ATRNL1: variants seen among roughly 807,000 people sequenced by gnomAD.
The protein encoded by ATRNL1 is attractin-like protein 1.
ATRNL1 carries 95 observed loss-of-function variants against 182.7 expected under a neutral mutation model. The observed-to-expected ratio is 0.52, with a 90% confidence interval of 0.44 to 0.62. The LOEUF (loss-of-function observed/expected upper bound fraction) is 0.62, where lower values mean the gene tolerates loss of function less well. Ranked by LOEUF, ATRNL1 falls within the 20% of genes least tolerant of loss-of-function variation. The probability of loss-of-function intolerance (pLI) is 0.00; values close to 1 mark genes in which losing one functional copy is unlikely to be tolerated. For missense variants in ATRNL1, 1,471 were observed against 1,679.5 expected (o/e 0.88, Z 2.17); for synonymous variants, 576 against 568.3 (o/e 1.01, Z -0.19).
intron 8 of ATRNL1, among the ~76,000 whole-genome samples, chr10:115,175,150 G>T (rs868984537): frequency 1.3e-5 from 2 of 151,968 alleles, no homozygotes; most frequent in South Asian, 4.1e-4. Context: ...CACCTGATTA[G>T]TATATGTCAT....
At chr10:115,458,810 GT>G (rs1847654840) in intron 21 of ATRNL1, among the ~76,000 whole-genome samples, 1 of 152,074 alleles carries the variant, frequency 6.6e-6, no homozygotes, top group South Asian at 2.1e-4. Flanking sequence ...TGTGGAAATA[GT>G]TTTGAAGTGC....
chr10:115,647,263 T>A (rs182025539), intron 26 of ATRNL1, among the ~76,000 whole-genome samples: 1 of 152,270 alleles, frequency 6.6e-6, no homozygotes, highest in Non-Finnish European at 1.5e-5. Context: ...TAAACATATG[T>A]GTGCATGTGT....
chr10:115,533,097 A>G lies in ATRNL1; in HGVS notation c.3716+13773A>G, dbSNP rs530824462. 1.1e-4 allele frequency among the ~76,000 whole-genome samples: 16 copies of G among 152,334 alleles called. No individual in the cohort carries two copies. The East Asian group carries it at 2.9e-3, about 28-fold the overall frequency. ...GGTTGTGTCTCTGCCCGGCTTTGGT[A>G]TCAGGATGATGCTGGCCTCATAATG... On this transcript the variant is annotated intron_variant, in intron 25 of 28. Coordinates refer to ENST00000355044, the MANE Select transcript of ATRNL1 (RefSeq NM_207303.4).
At chr10:115,574,229 T>G (rs1374632540) in intron 26 of ATRNL1, among the ~76,000 whole-genome samples, 7 of 150,968 alleles carry the variant, frequency 4.6e-5, no homozygotes, top group African/African-American at 1.2e-4. Flanking sequence ...ACTACAGCAA[T>G]ATATATAACT....
intron 5 of ATRNL1, among the ~76,000 whole-genome samples, chr10:115,139,632 G>A (rs974616584): frequency 2.0e-5 from 3 of 152,264 alleles, no homozygotes; most frequent in Non-Finnish European, 4.4e-5. Context: ...CTTCCATAAC[G>A]TGGGAATTCA....
At chr10:115,712,895 A>C (rs1555054962) in intron 26 of ATRNL1, among the ~76,000 whole-genome samples, 1 of 152,020 alleles carries the variant, frequency 6.6e-6, no homozygotes, top group East Asian at 1.9e-4. Flanking sequence ...AAAAATTAGA[A>C]ATTTTTAATC....
chr10:115,738,126 A>ATTTTT lies in ATRNL1; in HGVS notation c.3903+10797_3903+10801dup, dbSNP rs10546896. On this transcript the variant is annotated intron_variant, in intron 27 of 28. Coordinates refer to ENST00000355044, the MANE Select transcript of ATRNL1 (RefSeq NM_207303.4). ...ATAAAAAATGATTTAGAAGATAATG[A>ATTTTT]TTTTTTTTTTTTTTTTTTTTTTTTT... Among the ~76,000 whole-genome samples the ATTTTT allele has an allele frequency of 5.1e-3, 240 of 47,062 alleles. 43 individuals are homozygous for ATTTTT. The highest frequency in any genetic ancestry group is 0.015 in the African/African-American group (224 of 15,196). 30.9% of individuals were successfully genotyped at this position (47,062 alleles called of 152,430 possible).
At chr10:115,502,292 G>A (rs1437169525) in intron 24 of ATRNL1, among the ~76,000 whole-genome samples, 2 of 151,582 alleles carry the variant, frequency 1.3e-5, no homozygotes, top group African/African-American at 4.8e-5. Context: ...TGGACTCTAG[G>A]GACCCTAATA....
intron 21 of ATRNL1, among the ~76,000 whole-genome samples, chr10:115,437,939 A>T (rs1846481522): frequency 6.6e-6 from 1 of 151,976 alleles, no homozygotes; most frequent in Non-Finnish European, 1.5e-5. Flanking sequence ...GGTCTCATTA[A>T]GCTTAGTTAA....
At chr10:115,457,749 A>C (rs1055817695) in intron 21 of ATRNL1, among the ~76,000 whole-genome samples, 19 of 151,950 alleles carry the variant, frequency 1.3e-4, no homozygotes, top group African/African-American at 4.3e-4. Flanking sequence ...TCCTCCCTGC[A>C]TGTTGTGTAT....
intron 15 of ATRNL1, among the ~76,000 whole-genome samples, chr10:115,292,087 G>A (rs1354605265): frequency 6.6e-6 from 1 of 151,510 alleles, no homozygotes; most frequent in Non-Finnish European, 1.5e-5. Context: ...TCAATTTCTA[G>A]GTTTCATGTG....
chr10:115,373,081 C>T (rs1222368373), intron 19 of ATRNL1, among the ~76,000 whole-genome samples: 1 of 152,018 alleles, frequency 6.6e-6, no homozygotes, highest in African/African-American at 2.4e-5. Flanking sequence ...ATAGGTCATT[C>T]ACTTCTTTGA....
chr10:115,244,821 A>T (rs1383938786), intron 10 of ATRNL1, among the ~76,000 whole-genome samples: 1 of 152,202 alleles, frequency 6.6e-6, no homozygotes, highest in Non-Finnish European at 1.5e-5. Context: ...CAAGATGCAA[A>T]ACAACTTATT....
chr10:115,465,132 C>T (rs1847993222), intron 22 of ATRNL1, among the ~76,000 whole-genome samples: 1 of 151,748 alleles, frequency 6.6e-6, no homozygotes, highest in Non-Finnish European at 1.5e-5. Flanking sequence ...TCAGTCTGTA[C>T]ATTAAAGACC....
chr10:115,799,811 T>C (rs1202322301), intron 27 of ATRNL1, among the ~76,000 whole-genome samples: 4 of 152,234 alleles, frequency 2.6e-5, no homozygotes, highest in Non-Finnish European at 5.9e-5. Context: ...AGTTTTGTTG[T>C]ATCATTTTCT....
intron 8 of ATRNL1, among the ~76,000 whole-genome samples, chr10:115,196,562 G>A (rs1279917330): frequency 7.4e-6 from 1 of 136,042 alleles, no homozygotes; most frequent in East Asian, 2.0e-4. Flanking sequence ...CATGGACATG[G>A]TATATCACTT....
rs140716871 is a variant in ATRNL1 at position 115,879,305 on chromosome 10, C to CAAAAAA, written c.4018+31319_4018+31324dup. ...CTGGGTGACGTGCAACTCTCTATCT[C>CAAAAAA]AAAAAAAAAAGAAAGAAAGAAAGAA... On this transcript the variant is annotated intron_variant, in intron 28 of 28. Coordinates refer to ENST00000355044, the MANE Select transcript of ATRNL1 (RefSeq NM_207303.4). Among the ~76,000 whole-genome samples the CAAAAAA allele has an allele frequency of 1.2e-4, 13 of 108,008 alleles. 1 individual carries two copies. The highest frequency in any genetic ancestry group is 3.0e-4 in the Admixed American group (3 of 9,842). The allele number at this position is 108,008 out of a possible 152,430, so 70.9% of individuals were successfully genotyped here. A position where few individuals can be genotyped will look rare whatever the true frequency, so the allele number is the denominator to read the frequency against.
rs182761234 is a variant in ATRNL1 at position 115,540,135 on chromosome 10, A to T, written c.3717-9323A>T. On this transcript the variant is annotated intron_variant, in intron 25 of 28. Coordinates refer to ENST00000355044, the MANE Select transcript of ATRNL1 (RefSeq NM_207303.4). ...CTAGAACTTAAAGTATAATAATAAT[A>T]AATAAATAAATAAATAAATATATAG... Among the ~76,000 whole-genome samples, 711 of 146,344 alleles carry T rather than the reference A, an allele frequency of 4.9e-3. 6 individuals are homozygous for T. Among genetic ancestry groups the T allele is most frequent in the African/African-American group, 0.016 (634 of 40,212 alleles).
At position 115,301,910 on chromosome 10, in the gene ATRNL1, A is replaced by G. The variant is rs1209675236; in HGVS notation, c.2685A>G (p.Ser895=). The G allele has an allele frequency of 1.2e-6, 2 of 1,613,826 alleles. No individual in the cohort carries two copies. Among genetic ancestry groups the G allele is most frequent in the East Asian group, 2.2e-5 (1 of 44,892 alleles). Reference sequence around the variant, plus strand: ...AAAAGCCATGCTCTCTGAGGACATCATGTTCCAACTGTACAAGCAATGGCA... The same window carrying G: ...AAAAGCCATGCTCTCTGAGGACATCGTGTTCCAACTGTACAAGCAATGGCA... ...PCKKPCSLRT[S]CSNCTSNGME... is the part of the protein sequence containing the mutation. Residue 895 remains serine, a synonymous_variant, in exon 17 of 29, where the codon TCA becomes TCG. Coordinates refer to ENST00000355044, the MANE Select transcript of ATRNL1 (RefSeq NM_207303.4).
Sources: allele counts gnomAD v4.1 joint callset (sites outside exome capture counted in the v4.1 genomes callset), GRCh38; gene constraint gnomAD v4.1.1; transcripts MANE v1.5; gene names NCBI Gene and HGNC (gene_info 2026-07-23, HGNC 2026-07-21).